The following PGAP4 variants were observed in gnomAD, a reference collection of about 807,000 sequenced individuals.
PGAP4 encodes post-GPI attachment to proteins GalNAc transferase 4, also known as GPI-N-acetylgalactosamine transferase PGAP4.
Under a neutral mutation model 28.2 loss-of-function variants are expected in PGAP4, and 12 were observed. That is an observed-to-expected ratio of 0.42 (90% CI 0.27 to 0.69). The LOEUF (loss-of-function observed/expected upper bound fraction) is 0.69, where lower values mean the gene tolerates loss of function less well. Ranked by LOEUF, PGAP4 falls within the 30% of genes least tolerant of loss-of-function variation. The pLI is 0.22. For synonymous variants in PGAP4, 205 were observed against 211.8 expected (o/e 0.97, Z 0.28); for missense variants, 425 against 513.5 (o/e 0.83, Z 1.67).
intron 1 of PGAP4, among the ~76,000 whole-genome samples, chr9:101,483,650 A>C (rs867816667): frequency 2.6e-5 from 4 of 152,196 alleles, no homozygotes; most frequent in Non-Finnish European, 5.9e-5. Context: ...CACATGTACT[A>C]TATATATGCA....
chr9:101,479,445 C>T (rs972054822), intron 1 of PGAP4, among the ~76,000 whole-genome samples: 1 of 152,170 alleles, frequency 6.6e-6, no homozygotes, highest in Non-Finnish European at 1.5e-5. Flanking sequence ...ATGCCAGGCA[C>T]ATAGTAAAGG....
rs2118473235 is a variant in PGAP4, at chr9:101,474,464, G to T, written c.*1417C>A. On this transcript the variant is annotated 3_prime_UTR_variant, in exon 2 of 2. Transcript: ENST00000374848. ...GTAACTTTTGAGAAAATAATTTTCA[G>T]ACTCTGATCTTAGAATAAGCTCATG... 1 of 152,326 alleles carries T rather than the reference G, an allele frequency of 6.6e-6. No individual in the cohort carries two copies. Among genetic ancestry groups the T allele is most frequent in the Non-Finnish European group, 1.5e-5 (1 of 68,028 alleles). 9.4% of individuals were successfully genotyped at this position (152,326 alleles called of 1,614,324 possible).
At chr9:101,518,381 C>T (rs371124554) in intron 2 of PGAP4, among the ~76,000 whole-genome samples, 4 of 152,070 alleles carry the variant, frequency 2.6e-5, no homozygotes, top group East Asian at 1.9e-4. Flanking sequence ...TCCCATCACC[C>T]GAGCAGTATA....
chr9:101,513,050 T>C (rs933012348), intron 2 of PGAP4, among the ~76,000 whole-genome samples: 2 of 152,208 alleles, frequency 1.3e-5, no homozygotes, highest in African/African-American at 4.8e-5. Context: ...CATTTGTCAC[T>C]AGTCATAGGC....
intron 2 of PGAP4, among the ~76,000 whole-genome samples, chr9:101,510,467 G>T (rs1221578824): frequency 1.3e-5 from 2 of 152,066 alleles, no homozygotes; most frequent in Non-Finnish European, 2.9e-5. Context: ...AGTTTTGAAG[G>T]TTTCATGGCT....
intron 2 of PGAP4, among the ~76,000 whole-genome samples, chr9:101,517,904 G>C (rs945851050): frequency 6.6e-6 from 1 of 152,040 alleles, no homozygotes; most frequent in Non-Finnish European, 1.5e-5. Context: ...TTTTATTTTA[G>C]ATTCAAGAGA....
chr9:101,489,574 G>A (rs1188753598), upstream of PGAP4, among the ~76,000 whole-genome samples: 3 of 152,200 alleles, frequency 2.0e-5, no homozygotes, highest in African/African-American at 7.2e-5. Flanking sequence ...AATGGAATGA[G>A]GCAGTGAACC....
chr9:101,518,312 C>T (rs907376523), intron 2 of PGAP4, among the ~76,000 whole-genome samples: 3 of 151,872 alleles, frequency 2.0e-5, no homozygotes, highest in Non-Finnish European at 2.9e-5. Context: ...ATTGGGGGTA[C>T]AGGTGGTATT....
chr9:101,508,332 T>C (rs1050215406), intron 2 of PGAP4, among the ~76,000 whole-genome samples: 5 of 152,142 alleles, frequency 3.3e-5, no homozygotes, highest in African/African-American at 1.2e-4. Flanking sequence ...TGCTATGCCT[T>C]TGCGGTAGTT....
intron 2 of PGAP4, among the ~76,000 whole-genome samples, chr9:101,518,367 G>C (rs1024630618): frequency 1.3e-5 from 2 of 151,876 alleles, no homozygotes; most frequent in Middle Eastern, 3.2e-3. Context: ...TGAGATCTTG[G>C]TGTTCCCATC....
In PGAP4 at chr9:101,529,949, T is replaced by A. The variant is rs568125416; in HGVS notation, c.-165+1399A>T. Reference sequence around the variant, plus strand: ...GAGCAAGGGCTATGGTATCTAAATGTTTCTGTTTAACGAGTGATACCATGC... The same window carrying A: ...GAGCAAGGGCTATGGTATCTAAATGATTCTGTTTAACGAGTGATACCATGC... On this transcript the variant is annotated intron_variant, in intron 2 of 3. Coordinates refer to the PGAP4 transcript ENST00000374851. 1.2e-3 allele frequency among the ~76,000 whole-genome samples: 185 copies of A among 152,344 alleles called. 3 individuals are homozygous for A. In the Middle Eastern group the frequency reaches 0.014, roughly 11 times the overall value.
chr9:101,503,331 C>T (rs1394717578), intron 2 of PGAP4, among the ~76,000 whole-genome samples: 1 of 151,898 alleles, frequency 6.6e-6, no homozygotes, highest in Non-Finnish European at 1.5e-5. Flanking sequence ...AGACTTCTTT[C>T]GCTTGAGAAG....
chr9:101,477,211 A>AAACCAAAC, intron 1 of PGAP4, 42 bp from the exon 2 acceptor site: 2 of 1,245,988 alleles, frequency 1.6e-6, no homozygotes, highest in South Asian at 3.7e-5. Context: ...GTAACTTAAA[A>AAACCAAAC]AAACAAACAA....
chr9:101,477,661 A>G (rs1437966399), intron 1 of PGAP4, among the ~76,000 whole-genome samples: 1 of 152,242 alleles, frequency 6.6e-6, no homozygotes, highest in Non-Finnish European at 1.5e-5. Flanking sequence ...TTGTCCAACA[A>G]GAGAAGGAAT....
At chr9:101,483,822 C>T (rs566069947) in intron 1 of PGAP4, among the ~76,000 whole-genome samples, 2 of 152,094 alleles carry the variant, frequency 1.3e-5, no homozygotes, top group African/African-American at 4.8e-5. Context: ...AGAATATACA[C>T]ACATACTACA....
chr9:101,477,662 G>T (rs1033481580), intron 1 of PGAP4, among the ~76,000 whole-genome samples: 1 of 152,172 alleles, frequency 6.6e-6, no homozygotes, highest in Non-Finnish European at 1.5e-5. Flanking sequence ...TGTCCAACAA[G>T]AGAAGGAATA....
intron 2 of PGAP4, among the ~76,000 whole-genome samples, chr9:101,492,249 A>G (rs12002940): frequency 0.023 from 3,446 of 151,676 alleles, 129 homozygotes; most frequent in African/African-American, 0.079. Flanking sequence ...GCTGGAGTGC[A>G]GTGGCACGAT....
At chr9:101,518,964 C>G (rs10989548) in intron 2 of PGAP4, among the ~76,000 whole-genome samples, 2 of 152,156 alleles carry the variant, frequency 1.3e-5, no homozygotes, top group Non-Finnish European at 2.9e-5. Flanking sequence ...ACTACATCCA[C>G]GTCAACATCT....
At chr9:101,481,133 G>A (rs553859289) in intron 1 of PGAP4, among the ~76,000 whole-genome samples, 1 of 152,264 alleles carries the variant, frequency 6.6e-6, no homozygotes, top group South Asian at 2.1e-4. Flanking sequence ...AGCTGTGATC[G>A]CACCACCGCA....
Sources: gnomAD v4.1 joint callset for allele counts (sites outside exome capture counted in the v4.1 genomes callset) on GRCh38, gnomAD v4.1.1 for gene constraint, MANE v1.5 for transcripts, NCBI Gene and HGNC (gene_info 2026-07-23, HGNC 2026-07-21) for gene names.